CHMP5: variants seen among roughly 807,000 people sequenced by gnomAD.
The protein encoded by CHMP5 is SNF7 domain containing 2.
A neutral mutation model predicts 33.0 loss-of-function variants in CHMP5; 17 were observed. The observed-to-expected ratio is 0.52, with a 90% CI of 0.35 to 0.77. The LOEUF is 0.77. CHMP5 is among the 30% of genes least tolerant of loss of function. CHMP5 has a pLI of 0.01. For missense variants in CHMP5, 216 were observed against 261.5 expected (o/e 0.83, Z 1.20); for synonymous variants, 76 against 90.2 (o/e 0.84, Z 0.89).
At chr9:33,266,386 C>T (rs1004241550) in intron 2 of CHMP5, among the ~76,000 whole-genome samples, 17 of 152,162 alleles carry the variant, frequency 1.1e-4, no homozygotes, top group Admixed American at 1.0e-3. Flanking sequence ...GCAGGAGAAT[C>T]GCTTGAACCT....
chr9:33,276,394 G>A, intron 5 of CHMP5, 62 bp from the exon 6 acceptor site: 1 of 883,646 alleles, frequency 1.1e-6, no homozygotes, highest in Non-Finnish European at 1.9e-6. Context: ...GAATGTAGGG[G>A]AAAAGGGTAG....
Position 33,271,234 on chromosome 9 carries a change from T to C in CHMP5, c.387+11T>C. Reference sequence around the variant, plus strand: ...ATCGACCAGATTGAGGTGAGACATATGCTAGTTTCTGCAAGAATGTGCACT... The same window carrying C: ...ATCGACCAGATTGAGGTGAGACATACGCTAGTTTCTGCAAGAATGTGCACT... On this transcript the variant is annotated intron_variant, in intron 5 of 7. Coordinates refer to ENST00000223500, the MANE Select transcript of CHMP5 (RefSeq NM_016410.6). The C allele has an allele frequency of 3.7e-6, 6 of 1,605,546 alleles. No individual in the cohort carries two copies. The highest frequency in any genetic ancestry group is 5.1e-6 in the Non-Finnish European group (6 of 1,172,278).
chr9:33,276,647 G>A, intron 6 of CHMP5, 83 bp downstream of exon 6: 1 of 743,062 alleles, frequency 1.3e-6, no homozygotes, highest in Non-Finnish European at 2.3e-6. Flanking sequence ...AAATGCTAGT[G>A]AAAATTTCTA....
chr9:33,276,958 G>A (rs892125588), intron 6 of CHMP5, among the ~76,000 whole-genome samples: 1 of 152,028 alleles, frequency 6.6e-6, no homozygotes, highest in Non-Finnish European at 1.5e-5. Flanking sequence ...ACTTTGGAAG[G>A]CCAAGGTAGG....
rs1460783594 is a variant in CHMP5 at position 33,265,165 on chromosome 9, C to A, written c.69+18C>A. 6.2e-7 allele frequency: 1 copy of A among 1,613,408 alleles called. No homozygotes were observed. Among genetic ancestry groups the A allele is most frequent in the East Asian group, 2.2e-5 (1 of 44,880 alleles). ...TTGGCACGGTGGGCATTTGATCATG[C>A]ATAAGTAGGCTCAGGACCTCTGACA... On this transcript the variant is annotated intron_variant, in intron 1 of 7. Transcript: ENST00000223500.
chr9:33,280,830 T>C lies in CHMP5; in HGVS notation c.631T>C (p.Phe211Leu). ...KNKDGVLVDE[F>L]GLPQIPAS is the part of the protein sequence containing the mutation. ...ACAGGATGGAGTTCTGGTGGATGAA[T>C]TTGGATTGCCACAGATCCCTGCTTC... Residue 211 changes from phenylalanine (F) to leucine (L), a missense_variant, in exon 8 of 8, where the codon TTT (phenylalanine) becomes CTT (leucine). Phe to Leu is a conservative substitution (Grantham distance 22). Coordinates refer to ENST00000223500, the MANE Select transcript of CHMP5 (RefSeq NM_016410.6). The C allele has an allele frequency of 6.2e-7, 1 of 1,612,478 alleles. No homozygotes were observed. The highest frequency in any genetic ancestry group is 8.5e-7 in the Non-Finnish European group (1 of 1,179,410).
rs1820916320 is a variant in CHMP5, at chr9:33,281,044, C to G, written c.*185C>G. On this transcript the variant is annotated 3_prime_UTR_variant, in exon 8 of 8. Coordinates refer to ENST00000223500, the MANE Select transcript of CHMP5 (RefSeq NM_016410.6). ...TTGCTTGGGAAATGCTTTCTTCGTA[C>G]TAAAATTTGATTCCTTTTTTTCTTA... 8.7e-6 allele frequency: 4 copies of G among 457,602 alleles called. No individual in the cohort carries two copies. The Admixed American group carries it at 1.2e-4, about 14-fold the overall frequency. 28.3% of individuals were successfully genotyped at this position (457,602 alleles called of 1,614,324 possible).
chr9:33,280,701 G>T, intron 7 of CHMP5, 108 bp from the exon 8 acceptor site: 1 of 1,033,608 alleles, frequency 9.7e-7, no homozygotes, highest in South Asian at 1.6e-5. Context: ...TTTTGGTTTT[G>T]ATTGATTAAA....
intron 5 of CHMP5, 125 bp from the exon 6 acceptor site, chr9:33,276,331 G>C (rs917149299): frequency 3.4e-6 from 2 of 592,878 alleles, no homozygotes; most frequent in Middle Eastern, 4.4e-4. Context: ...TATGTGCTTG[G>C]CATTTTATAT....
intron 3 of CHMP5, among the ~76,000 whole-genome samples, chr9:33,269,245 C>G (rs889293497): frequency 6.6e-6 from 1 of 152,150 alleles, no homozygotes; most frequent in Non-Finnish European, 1.5e-5. Context: ...TGGCTCACAC[C>G]TATAATCCCA....
chr9:33,269,974 CA>C (rs1287929290), intron 3 of CHMP5, among the ~76,000 whole-genome samples: 2 of 149,706 alleles, frequency 1.3e-5, no homozygotes, highest in African/African-American at 2.5e-5. Context: ...AACTCTGTCT[CA>C]AAAAAAAAGA....
chr9:33,266,254 C>T (rs565131753), intron 2 of CHMP5, 140 bp downstream of exon 2: 146 of 500,208 alleles, frequency 2.9e-4, no homozygotes, highest in Non-Finnish European at 4.6e-4. Context: ...GGGTGGATCA[C>T]GAGGTCAGGC....
chr9:33,279,174 C>G (rs977571633), intron 7 of CHMP5, among the ~76,000 whole-genome samples: 4 of 152,190 alleles, frequency 2.6e-5, no homozygotes, highest in African/African-American at 9.7e-5. Flanking sequence ...ATCTGCCTGC[C>G]TCAGCCTTCC....
intron 2 of CHMP5, among the ~76,000 whole-genome samples, chr9:33,267,059 A>C (rs1300820949): frequency 2.0e-5 from 3 of 152,236 alleles, no homozygotes; most frequent in Non-Finnish European, 4.4e-5. Context: ...TATGAGGATT[A>C]AATGAGGTAA....
In CHMP5 at chr9:33,270,678, A is replaced by G. The variant is rs1820783799; in HGVS notation, c.277A>G (p.Asn93Asp). 2 of 1,614,152 alleles carry G rather than the reference A, an allele frequency of 1.2e-6. No homozygotes were observed. The highest frequency in any genetic ancestry group is 1.7e-6 in the Non-Finnish European group (2 of 1,180,010). ...ACAGTCATTCAACATGGAACAAGCC[A>G]ATTATACCATCCAGTCTTTGAAGGA... Reference protein sequence around the residue: ...AQQSFNMEQANYTIQSLKDTK... With the variant: ...AQQSFNMEQADYTIQSLKDTK... The change falls in exon 4 of 8, where the codon AAT becomes GAT. Residue 93 changes from asparagine to aspartate, a missense_variant. Physicochemically the swap from Asn to Asp is conservative, Grantham distance 23. Coordinates refer to ENST00000223500, the MANE Select transcript of CHMP5 (RefSeq NM_016410.6).
At chr9:33,277,292 A>T (rs1225470722) in intron 6 of CHMP5, among the ~76,000 whole-genome samples, 2 of 152,150 alleles carry the variant, frequency 1.3e-5, no homozygotes, top group African/African-American at 4.8e-5. Context: ...AGCACTGAAT[A>T]AAAATGCAGC....
At chr9:33,265,396 GCCC>G (rs1339241880) in intron 1 of CHMP5, among the ~76,000 whole-genome samples, 16 of 151,882 alleles carry the variant, frequency 1.1e-4, no homozygotes, top group Non-Finnish European at 1.8e-4. Flanking sequence ...GATGCCCATT[GCCC>G]GTCCACTCGC....
intron 7 of CHMP5, 149 bp from the exon 8 acceptor site, chr9:33,280,660 G>C: frequency 6.6e-6 from 4 of 607,318 alleles, no homozygotes; most frequent in Non-Finnish European, 1.1e-5. Context: ...TACCTTTCAT[G>C]AAAAAGCTTG....
intron 3 of CHMP5, among the ~76,000 whole-genome samples, chr9:33,270,274 T>C (rs887283869): frequency 8.5e-5 from 13 of 152,192 alleles, no homozygotes; most frequent in Admixed American, 4.6e-4. Flanking sequence ...GGCTATATCA[T>C]ATAGCTTAGG....
Sources: gnomAD v4.1 joint callset for allele counts (sites outside exome capture counted in the v4.1 genomes callset) on GRCh38, gnomAD v4.1.1 for gene constraint, MANE v1.5 for transcripts, NCBI Gene and HGNC (gene_info 2026-07-23, HGNC 2026-07-21) for gene names.